STOX2: variants seen among roughly 807,000 people sequenced by gnomAD.
The protein encoded by STOX2 is storkhead box 2.
A neutral mutation model predicts 60.9 loss-of-function variants in STOX2; 28 were observed. That is an observed-to-expected ratio of 0.46 (90% CI 0.34 to 0.63). The LOEUF is 0.63. Ranked by LOEUF, STOX2 falls within the 30% of genes least tolerant of loss-of-function variation. The pLI, the probability that STOX2 is intolerant of heterozygous loss-of-function variation, is 0.01. For missense variants in STOX2, 1,024 were observed against 1,187.7 expected (o/e 0.86, Z 2.03); for synonymous variants, 472 against 463.9 (o/e 1.02, Z -0.22).
rs75671237 is a variant in STOX2 at position 183,831,608 on chromosome 4, A to G, written c.364+33553A>G. On this transcript the variant is annotated intron_variant, in intron 1 of 2. Transcript: ENST00000513034. ...TTTGTGGTACAGTAAACAATTAATC[A>G]ACTTCTAGTTTATAAAAAATCTGCT... Among the ~76,000 whole-genome samples the G allele has an allele frequency of 9.4e-3, 1,427 of 152,166 alleles. 12 individuals carry two copies. Among genetic ancestry groups the G allele is most frequent in the African/African-American group, 0.033 (1,349 of 41,496 alleles).
intron 1 of STOX2, among the ~76,000 whole-genome samples, chr4:183,974,585 T>C (rs920085592): frequency 1.3e-5 from 2 of 152,054 alleles, no homozygotes; most frequent in African/African-American, 2.4e-5. Context: ...TAGTAGACTG[T>C]AGAGCAAGAA....
intron 1 of STOX2, among the ~76,000 whole-genome samples, chr4:183,956,382 A>G (rs1176188171): frequency 6.9e-6 from 1 of 145,412 alleles, no homozygotes; most frequent in Non-Finnish European, 1.5e-5. Context: ...CTATCTATCT[A>G]TCTATCTATC....
chr4:184,016,591 C>A (rs1162521244), intron 3 of STOX2, among the ~76,000 whole-genome samples: 2 of 152,012 alleles, frequency 1.3e-5, no homozygotes, highest in Non-Finnish European at 2.9e-5. Context: ...TGCCCAGGGT[C>A]CCCCAAAAAA....
intron 1 of STOX2, among the ~76,000 whole-genome samples, chr4:183,990,621 T>C (rs1733069789): frequency 7.9e-6 from 1 of 127,288 alleles, no homozygotes; most frequent in Non-Finnish European, 1.6e-5. Context: ...TTTTTGGTCA[T>C]AGAGAGTTAG....
rs766991476 is a variant in STOX2, at chr4:183,862,328, A to G, written c.364+64273A>G. ...GTAGCTGGGATTACAGGCACATGCC[A>G]TCACCCCTAGCTAATTTTTGTATTT... On this transcript the variant is annotated intron_variant, in intron 1 of 2. Transcript: ENST00000513034. Among the ~76,000 whole-genome samples, 64 of 152,158 alleles carry G rather than the reference A, an allele frequency of 4.2e-4. 1 individual carries two copies. The highest frequency in any genetic ancestry group is 7.8e-4 in the Non-Finnish European group (53 of 68,038).
At chr4:183,896,321 C>T (rs912434549) in intron 1 of STOX2, among the ~76,000 whole-genome samples, 1 of 152,126 alleles carries the variant, frequency 6.6e-6, no homozygotes, top group South Asian at 2.1e-4. Flanking sequence ...GGCCATTCTC[C>T]GTGGCTCCGT....
intron 1 of STOX2, among the ~76,000 whole-genome samples, chr4:183,954,631 T>C (rs1743194886): frequency 6.6e-6 from 1 of 151,900 alleles, no homozygotes; most frequent in African/African-American, 2.4e-5. Flanking sequence ...CAAAGGTAAT[T>C]ATTTACATAA....
intron 1 of STOX2, among the ~76,000 whole-genome samples, chr4:183,965,436 C>T (rs1241312540): frequency 2.0e-5 from 3 of 152,040 alleles, no homozygotes; most frequent in Non-Finnish European, 4.4e-5. Context: ...GCTAAAATGA[C>T]CAAATTCTGT....
At chr4:183,995,524 G>T (rs991721096) in intron 1 of STOX2, among the ~76,000 whole-genome samples, 1 of 151,992 alleles carries the variant, frequency 6.6e-6, no homozygotes, top group Admixed American at 6.6e-5. Context: ...AAATGGATGC[G>T]CTTGATAAAG....
Position 184,020,045 on chromosome 4 carries a change from T to C in STOX2, c.*2761T>C, listed in dbSNP as rs1011556227. 8 of 139,934 alleles carry C rather than the reference T, an allele frequency of 5.7e-5. No individual in the cohort carries two copies. The highest frequency in any genetic ancestry group is 3.3e-3 in the Middle Eastern group (1 of 302). The allele number at this position is 139,934 out of a possible 1,614,324, so 8.7% of individuals were successfully genotyped here. ...CATCTGTCGGCATTTTGCACACTTATGTATTATTATGATACAACATATTAC... is the reference window on the plus strand; with the variant it reads ...CATCTGTCGGCATTTTGCACACTTACGTATTATTATGATACAACATATTAC... On this transcript the variant is annotated 3_prime_UTR_variant, in exon 4 of 4. Coordinates refer to ENST00000308497, the MANE Select transcript of STOX2 (RefSeq NM_020225.3).
chr4:183,939,256 C>G (rs370266482), intron 1 of STOX2, among the ~76,000 whole-genome samples: 1 of 152,218 alleles, frequency 6.6e-6, no homozygotes, highest in Admixed American at 6.5e-5. Context: ...CTGAAATCAA[C>G]GTGTTGGATG....
chr4:183,898,026 A>T lies in STOX2; in HGVS notation c.364+99971A>T, dbSNP rs533834831. Among the ~76,000 whole-genome samples the T allele has an allele frequency of 3.9e-5, 6 of 152,336 alleles. No individual in the cohort carries two copies. The East Asian group carries it at 1.2e-3, about 29-fold the overall frequency. Reference sequence around the variant, plus strand: ...AAGCATTTTAACAAATATATTAGGCATAGGATTACATATATTTTATCATCT... The same window carrying T: ...AAGCATTTTAACAAATATATTAGGCTTAGGATTACATATATTTTATCATCT... On this transcript the variant is annotated intron_variant, in intron 1 of 2. Transcript: ENST00000513034.
chr4:183,845,070 A>G (rs1739955947), intron 1 of STOX2, among the ~76,000 whole-genome samples: 1 of 152,252 alleles, frequency 6.6e-6, no homozygotes, highest in African/African-American at 2.4e-5. Context: ...TGACCTTTCC[A>G]AACTGTAGAG....
At chr4:183,930,085 C>T (rs1352341819) in intron 1 of STOX2, among the ~76,000 whole-genome samples, 4 of 151,644 alleles carry the variant, frequency 2.6e-5, no homozygotes, top group South Asian at 4.2e-4. Context: ...GGATGGGTCT[C>T]GATCTCCTGA....
chr4:183,858,392 G>A (rs1740352605), intron 1 of STOX2, among the ~76,000 whole-genome samples: 1 of 152,154 alleles, frequency 6.6e-6, no homozygotes, highest in South Asian at 2.1e-4. Context: ...CACCCACCCG[G>A]CAGCTCTTCT....
rs182576812 is a variant in STOX2, at chr4:183,835,385, G to A, written c.364+37330G>A. ...ACTACAGGCGCCCACCACCACACCCGGCTAATTTTTTTGTATTTTTAGTAG... is the reference window on the plus strand; with the variant it reads ...ACTACAGGCGCCCACCACCACACCCAGCTAATTTTTTTGTATTTTTAGTAG... On this transcript the variant is annotated intron_variant, in intron 1 of 2. Transcript: ENST00000513034. Among the ~76,000 whole-genome samples the A allele has an allele frequency of 4.6e-5, 7 of 151,656 alleles. No individual in the cohort carries two copies. In the South Asian group the frequency reaches 6.3e-4, roughly 14 times the overall value.
intron 1 of STOX2, among the ~76,000 whole-genome samples, chr4:183,827,733 T>C (rs1422692097): frequency 2.0e-5 from 3 of 151,946 alleles, no homozygotes; most frequent in Non-Finnish European, 4.4e-5. Flanking sequence ...TTCAAAAAGA[T>C]GGGCCAGGAG....
intron 1 of STOX2, among the ~76,000 whole-genome samples, chr4:183,972,501 G>C (rs1182283691): frequency 6.6e-6 from 1 of 152,192 alleles, no homozygotes; most frequent in African/African-American, 2.4e-5. Flanking sequence ...AACGCTTTGA[G>C]AGCTGAAATA....
rs1734594782 is a variant in STOX2 at position 184,021,598 on chromosome 4, T to C, written c.*4314T>C. ...CCTTGTTTACAGTTTCATATTGGGT[T>C]GCTATAGTTCCCGTGCTAAATCACC... On this transcript the variant is annotated 3_prime_UTR_variant, in exon 4 of 4. Coordinates refer to ENST00000308497, the MANE Select transcript of STOX2 (RefSeq NM_020225.3). The C allele has an allele frequency of 6.6e-6, 1 of 152,212 alleles. No homozygotes were observed. Among genetic ancestry groups the C allele is most frequent in the Non-Finnish European group, 1.5e-5 (1 of 68,044 alleles). The allele number at this position is 152,212 out of a possible 1,614,324, so 9.4% of individuals were successfully genotyped here. A position where few individuals can be genotyped will look rare whatever the true frequency, so the allele number is the denominator to read the frequency against.
Sources: allele counts gnomAD v4.1 joint callset (sites outside exome capture counted in the v4.1 genomes callset), GRCh38; gene constraint gnomAD v4.1.1; transcripts MANE v1.5; gene names NCBI Gene and HGNC (gene_info 2026-07-23, HGNC 2026-07-21).